Variants in PLP1 observed in about 807,000 individuals in gnomAD.
The protein encoded by PLP1 is myelin proteolipid protein.
PLP1 carries 2 observed loss-of-function variants against 18.5 expected under a neutral mutation model. That is an observed-to-expected ratio of 0.11 (90% CI 0.04 to 0.34). The LOEUF is 0.34. PLP1 is among the 10% of genes least tolerant of loss of function. The probability of loss-of-function intolerance (pLI) is 1.00; values close to 1 mark genes in which losing one functional copy is unlikely to be tolerated. For synonymous variants in PLP1, 86 were observed against 83.2 expected (o/e 1.03, Z -0.19); for missense variants, 105 against 207.3 (o/e 0.51, Z 3.03).
At chrX:103,789,760 G>A (rs748166808) in intron 6 of PLP1, among the ~76,000 whole-genome samples, 3 of 111,863 alleles carry the variant, frequency 2.7e-5, no homozygotes, top group African/African-American at 9.7e-5. Flanking sequence ...GAAACATCAC[G>A]AAACATGACT....
rs748242742 is a variant in PLP1, at chrX:103,781,589, G to A, written c.5-3993G>A. 3.6e-5 allele frequency among the ~76,000 whole-genome samples: 4 copies of A among 112,422 alleles called. No homozygotes were observed. In the South Asian group the frequency reaches 1.5e-3, roughly 41 times the overall value. On this transcript the variant is annotated intron_variant, in intron 1 of 6. Coordinates refer to ENST00000621218, the MANE Select transcript of PLP1 (RefSeq NM_000533.5). ...CAGGATTTCAAGTTTTCTAAAGAAA[G>A]GGACTGGCCTTTTAATTCCCTTCTG... is the stretch of plus-strand genomic sequence containing the variant.
At chrX:103,776,760 AAG>A (rs1364794201), upstream of PLP1, 1 of 299,731 alleles carries the variant, frequency 3.3e-6, no homozygotes, top group Non-Finnish European at 5.5e-6. Flanking sequence ...AGGTGGGGAA[AAG>A]GGGAGGAGAA....
upstream of PLP1, chrX:103,776,653 C>G (rs780392554): frequency 2.7e-5 from 7 of 262,676 alleles, no homozygotes; most frequent in Non-Finnish European, 4.7e-5. Flanking sequence ...TCCAGGCAAG[C>G]CTTAGGGAAA....
chrX:103,784,126 G>T (rs1343366842), intron 1 of PLP1, among the ~76,000 whole-genome samples: 1 of 111,514 alleles, frequency 9.0e-6, no homozygotes, highest in African/African-American at 3.3e-5. Flanking sequence ...TTAGAGCATG[G>T]GACTAGTACT....
In PLP1 at chrX:103,776,897, A is replaced by T; in HGVS notation, c.-99A>T. Reference sequence around the variant, plus strand: ...TCAGAGAGAAAAAGTAAAAGACCGAAGAAGGAGGCTGGAGAGACCAGGATC... The same window carrying T: ...TCAGAGAGAAAAAGTAAAAGACCGATGAAGGAGGCTGGAGAGACCAGGATC... On this transcript the variant is annotated 5_prime_UTR_variant, in exon 1 of 7. It adds an upstream start codon to the 5' untranslated region. Coordinates refer to ENST00000621218, the MANE Select transcript of PLP1 (RefSeq NM_000533.5). 1.2e-6 allele frequency: 1 copy of T among 806,801 alleles called. No homozygotes were observed. The highest frequency in any genetic ancestry group is 2.2e-5 in the South Asian group (1 of 46,066). The allele number at this position is 806,801 out of a possible 1,213,427, so 66.5% of individuals were successfully genotyped here. A position where few individuals can be genotyped will look rare whatever the true frequency, so the allele number is the denominator to read the frequency against.
In PLP1 at chrX:103,792,494, T is replaced by C. The variant is rs914331220; in HGVS notation, c.*1896T>C. ...AAAGAGAGTTAATCAACTGAAAGTGTTTCCTTCATTTCTGATATAGAATTG... is the reference window on the plus strand; with the variant it reads ...AAAGAGAGTTAATCAACTGAAAGTGCTTCCTTCATTTCTGATATAGAATTG... On this transcript the variant is annotated 3_prime_UTR_variant, in exon 7 of 7. Coordinates refer to ENST00000621218, the MANE Select transcript of PLP1 (RefSeq NM_000533.5). 2 of 112,551 alleles carry C rather than the reference T, an allele frequency of 1.8e-5. No individual in the cohort carries two copies. The highest frequency in any genetic ancestry group is 1.9e-4 in the Admixed American group (2 of 10,583). 9.3% of individuals were successfully genotyped at this position (112,551 alleles called of 1,213,427 possible).
intron 5 of PLP1, chrX:103,788,859 A>C (rs1231338160): frequency 6.8e-6 from 2 of 295,878 alleles, no homozygotes; most frequent in Non-Finnish European, 1.2e-5. Context: ...GCACAGAGGC[A>C]TTCATAGGTT....
At position 103,787,875 on chromosome X, in the gene PLP1, C is replaced by T. The variant is rs1064796350; in HGVS notation, c.531C>T (p.Tyr177=). 3 of 1,207,392 alleles carry T rather than the reference C, an allele frequency of 2.5e-6. No individual in the cohort carries two copies. The highest frequency in any genetic ancestry group is 5.9e-5 in the East Asian group (2 of 33,832). The change falls in exon 4 of 7, where the codon TAC becomes TAT. Residue 177 remains tyrosine, a synonymous_variant. Coordinates refer to ENST00000621218, the MANE Select transcript of PLP1 (RefSeq NM_000533.5). The part of the protein sequence containing the change: ...FACSAVPVYI[Y]FNTWTTCQSI... ...GCTCTGCTGTGCCTGTGTACATTTA[C>T]TTCAACACCTGGACCACCTGCCAGT...
intron 1 of PLP1, among the ~76,000 whole-genome samples, chrX:103,782,302 G>T (rs1242536853): frequency 8.9e-6 from 1 of 112,260 alleles, no homozygotes; most frequent in Non-Finnish European, 1.9e-5. Flanking sequence ...CTTTACATTA[G>T]AAACTCATTA....
Position 103,787,981 on chromosome X carries a change from G to A in PLP1, c.622+15G>A, listed in dbSNP as rs886038308. On this transcript the variant is annotated intron_variant, in intron 4 of 6. Transcript: ENST00000621218. Reference sequence around the variant, plus strand: ...CAGAATGTATGGTGAGTTAGGGTACGGGTGCTTTGGCTCTCCTACCCACTA... The same window carrying A: ...CAGAATGTATGGTGAGTTAGGGTACAGGTGCTTTGGCTCTCCTACCCACTA... 6 of 1,184,336 alleles carry A rather than the reference G, an allele frequency of 5.1e-6. No homozygotes were observed. The highest frequency in any genetic ancestry group is 3.5e-5 in the African/African-American group (2 of 56,746).
intron 5 of PLP1, 135 bp from the exon 6 acceptor site, chrX:103,789,198 G>A: frequency 1.8e-6 from 1 of 567,376 alleles, no homozygotes; most frequent in Non-Finnish European, 3.1e-6. Context: ...TTAGGGAAGT[G>A]AAAACTTAGT....
At chrX:103,786,192 T>C in intron 2 of PLP1, 1 of 1,128,874 alleles carries the variant, frequency 8.9e-7, no homozygotes, top group Non-Finnish European at 1.2e-6. Flanking sequence ...GTCTGAAGGG[T>C]GGGGCAGGGA....
intron 1 of PLP1, among the ~76,000 whole-genome samples, chrX:103,781,604 A>G (rs1377324365): frequency 8.9e-6 from 1 of 112,378 alleles, no homozygotes; most frequent in Non-Finnish European, 1.9e-5. Context: ...TGGCCTTTTA[A>G]TTCCCTTCTG....
At chrX:103,777,659 G>C (rs1375412263) in intron 1 of PLP1, among the ~76,000 whole-genome samples, 1 of 111,960 alleles carries the variant, frequency 8.9e-6, no homozygotes, top group East Asian at 2.8e-4. Flanking sequence ...TTTCCTGAAG[G>C]CTCTTTGCTG....
intron 1 of PLP1, chrX:103,780,118 G>C (rs1014649299): frequency 8.9e-6 from 1 of 112,946 alleles, no homozygotes; most frequent in East Asian, 2.8e-4. Flanking sequence ...TGGCCCTGAG[G>C]GCTATCTCTC....
rs780293374 is a variant in PLP1, at chrX:103,786,618, A to C, written c.345A>C (p.Ala115=). ...CCATCTGCGGCAAGGGCCTGAGCGCAACGGTAACAGGGGGCCAGAAGGGGA... is the reference window on the plus strand; with the variant it reads ...CCATCTGCGGCAAGGGCCTGAGCGCCACGGTAACAGGGGGCCAGAAGGGGA... The part of the protein sequence containing the change: ...KTTICGKGLS[A]TVTGGQKGRG... The change falls in exon 3 of 7, where the codon GCA becomes GCC. Residue 115 remains alanine (A), a synonymous_variant. Transcript: ENST00000621218. 5.8e-6 allele frequency: 7 copies of C among 1,211,793 alleles called. No homozygotes were observed.
At position 103,787,954 on chromosome X, in the gene PLP1, G is replaced by A. The variant is rs372434302; in HGVS notation, c.610G>A (p.Ala204Thr). The change falls in exon 4 of 7, where the codon GCC (alanine) becomes ACC (threonine). Residue 204 changes from alanine (A) to threonine (T), a missense_variant. By Grantham distance (58) the Ala-to-Thr change is moderately conservative (BLOSUM62 0). Coordinates refer to ENST00000621218, the MANE Select transcript of PLP1 (RefSeq NM_000533.5). The part of the protein sequence containing the change: ...SASIGSLCAD[A>T]RMYGVLPWNA... ...CAGTATAGGCAGTCTCTGTGCTGAT[G>A]CCAGAATGTATGGTGAGTTAGGGTA... 3.3e-6 allele frequency: 4 copies of A among 1,207,704 alleles called. No individual in the cohort carries two copies. Among genetic ancestry groups the A allele is most frequent in the Non-Finnish European group, 4.5e-6 (4 of 891,626 alleles).
intron 1 of PLP1, among the ~76,000 whole-genome samples, chrX:103,782,205 G>A (rs2074459297): frequency 8.9e-6 from 1 of 112,235 alleles, no homozygotes; most frequent in South Asian, 3.7e-4. Context: ...AGGTTGTGAA[G>A]AGATGAACAT....
chrX:103,777,069 T>C, intron 1 of PLP1, 70 bp downstream of exon 1: 11 of 959,299 alleles, frequency 1.1e-5, no homozygotes, highest in Non-Finnish European at 1.5e-5. Flanking sequence ...TTTCCAACTT[T>C]GGGGTTCGGG....
Sources: allele counts gnomAD v4.1 joint callset (sites outside exome capture counted in the v4.1 genomes callset), GRCh38; gene constraint gnomAD v4.1.1; transcripts MANE v1.5; gene names NCBI Gene and HGNC (gene_info 2026-07-23, HGNC 2026-07-21).